Variants in FLI1 observed in about 807,000 individuals in gnomAD.
FLI1 encodes Fli-1 proto-oncogene, ETS transcription factor.
In FLI1, 13 loss-of-function variants were observed where a neutral mutation model predicts 53.1. The observed-to-expected ratio is 0.24, with a 90% CI of 0.16 to 0.39. The LOEUF (loss-of-function observed/expected upper bound fraction) is 0.39, where lower values mean the gene tolerates loss of function less well. FLI1 is among the 10% of genes least tolerant of loss of function. The pLI is 1.00. For synonymous variants in FLI1, 244 were observed against 236.7 expected, an observed-to-expected ratio of 1.03 and a Z score of -0.28; for missense variants, 424 against 600.5, an observed-to-expected ratio of 0.71 and a Z score of 3.07.
intron 5 of FLI1, among the ~76,000 whole-genome samples, chr11:128,796,527 G>C (rs1274617430): frequency 6.6e-6 from 1 of 152,178 alleles, no homozygotes; most frequent in Non-Finnish European, 1.5e-5. Context: ...GTCTAAAAAG[G>C]AGCCTCTGAT....
At chr11:128,698,251 T>C (rs1228280995) in intron 1 of FLI1, among the ~76,000 whole-genome samples, 1 of 152,156 alleles carries the variant, frequency 6.6e-6, no homozygotes, top group Non-Finnish European at 1.5e-5. Flanking sequence ...TGTTGCTGCC[T>C]CCCTCTACCA....
chr11:128,734,169 CAG>C (rs749242756), intron 1 of FLI1, among the ~76,000 whole-genome samples: 6 of 152,204 alleles, frequency 3.9e-5, no homozygotes, highest in Non-Finnish European at 7.3e-5. Context: ...GGTGGTTAAA[CAG>C]GGGAAGCTAT....
chr11:128,768,370 G>A, intron 3 of FLI1, 98 bp downstream of exon 3: 1 of 1,482,030 alleles, frequency 6.7e-7, no homozygotes, highest in Non-Finnish European at 9.3e-7. Context: ...TATTCCCTGT[G>A]GAATTGCAAA....
Position 128,808,976 on chromosome 11 carries a change from G to A in FLI1, c.782-181G>A, listed in dbSNP as rs187557905. On this transcript the variant is annotated intron_variant, in intron 7 of 8. Coordinates refer to ENST00000527786, the MANE Select transcript of FLI1 (RefSeq NM_002017.5). ...TTGTTCTTTCTGTAATTATTGAGAT[G>A]AAGACCACAAATGTCATCAAGATCT... Among the ~76,000 whole-genome samples the A allele has an allele frequency of 7.3e-3, 1,118 of 152,282 alleles. 6 individuals are homozygous for A. Among genetic ancestry groups the A allele is most frequent in the Middle Eastern group, 0.021 (6 of 292 alleles).
intron 5 of FLI1, among the ~76,000 whole-genome samples, chr11:128,787,509 A>T (rs1302493789): frequency 6.6e-6 from 1 of 152,170 alleles, no homozygotes; most frequent in East Asian, 1.9e-4. Context: ...AATTTACCGA[A>T]GGTGGGCACT....
At chr11:128,783,030 G>T (rs995327337) in intron 5 of FLI1, among the ~76,000 whole-genome samples, 4 of 152,082 alleles carry the variant, frequency 2.6e-5, no homozygotes, top group African/African-American at 4.8e-5. Context: ...ACAGAGGAGG[G>T]GACTTTTGAA....
In FLI1 at chr11:128,810,518, G is replaced by A. The variant is rs1171222613; in HGVS notation, c.889G>A (p.Ala297Thr). ...LLELLSDSAN[A>T]SCITWEGTNG... ...GGAGCTGCTCTCCGACAGCGCCAAC[G>A]CCAGCTGTATCACCTGGGAGGGGAC... Residue 297 changes from alanine to threonine, a missense_variant, in exon 9 of 9, where the codon GCC (alanine) becomes ACC (threonine). By Grantham distance (58) the Ala-to-Thr change is moderately conservative. Coordinates refer to ENST00000527786, the MANE Select transcript of FLI1 (RefSeq NM_002017.5). The surrounding 1 kb of genome is among the most constrained non-coding windows in gnomAD (Gnocchi z 6.6). 6 of 1,609,444 alleles carry A rather than the reference G, an allele frequency of 3.7e-6. No homozygotes were observed. The highest frequency in any genetic ancestry group is 2.2e-5 in the East Asian group (1 of 44,662).
At chr11:128,757,782 T>C (rs376930801) in intron 1 of FLI1, among the ~76,000 whole-genome samples, 42 of 152,272 alleles carry the variant, frequency 2.8e-4, no homozygotes, top group African/African-American at 1.0e-3. Context: ...ACCACAATAC[T>C]ATATTCCATG....
At chr11:128,780,160 A>G (rs948386684) in intron 4 of FLI1, among the ~76,000 whole-genome samples, 8 of 152,192 alleles carry the variant, frequency 5.3e-5, no homozygotes, top group Non-Finnish European at 1.2e-4. Context: ...CTTGGATGTT[A>G]TATTCATGTG....
At chr11:128,809,820 A>G (rs1043213215) in intron 8 of FLI1, among the ~76,000 whole-genome samples, 3 of 152,060 alleles carry the variant, frequency 2.0e-5, no homozygotes, top group Non-Finnish European at 4.4e-5. Flanking sequence ...CTGCCTACCC[A>G]TTCCTTAGTG....
intron 5 of FLI1, among the ~76,000 whole-genome samples, chr11:128,784,503 A>T (rs1256911711): frequency 6.6e-6 from 1 of 152,024 alleles, no homozygotes; most frequent in Non-Finnish European, 1.5e-5. Context: ...ATCTCCCAAC[A>T]TCGGGCCTGG....
At chr11:128,721,270 C>T (rs370705138) in intron 1 of FLI1, among the ~76,000 whole-genome samples, 10 of 152,282 alleles carry the variant, frequency 6.6e-5, no homozygotes, top group African/African-American at 1.4e-4. Flanking sequence ...TCATTCATTC[C>T]GCCAGCCTGT....
chr11:128,694,872 C>T (rs1209535040), intron 1 of FLI1, among the ~76,000 whole-genome samples: 1 of 152,172 alleles, frequency 6.6e-6, no homozygotes, highest in African/African-American at 2.4e-5. Flanking sequence ...GCTTTCCCTT[C>T]CTCTCGGCAC....
chr11:128,758,928 AG>A (rs1278338308), intron 2 of FLI1, among the ~76,000 whole-genome samples: 1 of 152,246 alleles, frequency 6.6e-6, no homozygotes, highest in African/African-American at 2.4e-5. Context: ...GTCATGGAAG[AG>A]GACAGTGGAC....
In FLI1 at chr11:128,812,913, T is replaced by C. The variant is rs2135929171; in HGVS notation, c.*1925T>C. On this transcript the variant is annotated 3_prime_UTR_variant, in exon 9 of 9. Coordinates refer to ENST00000527786, the MANE Select transcript of FLI1 (RefSeq NM_002017.5). ...TCCTTCACTGTTAGGTAGCTTATTT[T>C]CATTTTCTCTATTTTACAATGAAAA... is the stretch of plus-strand genomic sequence containing the variant. The C allele has an allele frequency of 5.7e-6, 1 of 175,296 alleles. No individual in the cohort carries two copies. Among genetic ancestry groups the C allele is most frequent in the East Asian group, 9.4e-5 (1 of 10,634 alleles). 10.9% of individuals were successfully genotyped at this position (175,296 alleles called of 1,614,324 possible).
upstream of FLI1, chr11:128,693,900 AGGGAGAGCAGAG>A (rs1010936809): frequency 3.9e-6 from 1 of 254,804 alleles, no homozygotes; most frequent in Non-Finnish European, 7.4e-6. Flanking sequence ...AGGGAAGACG[AGGGAGAGCAGAG>A]GGGAGAGAAG....
chr11:128,799,511 G>A (rs1942562558), intron 5 of FLI1, among the ~76,000 whole-genome samples: 2 of 152,172 alleles, frequency 1.3e-5, no homozygotes, highest in South Asian at 2.1e-4. Flanking sequence ...GAGGTTCAAA[G>A]CAGCTGAGCA....
At chr11:128,765,749 G>T (rs1477583783) in intron 2 of FLI1, among the ~76,000 whole-genome samples, 1 of 152,210 alleles carries the variant, frequency 6.6e-6, no homozygotes, top group Non-Finnish European at 1.5e-5. Context: ...GCAGGGAAAG[G>T]CTGCCAGACC....
At chr11:128,689,725 G>T (rs1477288838), upstream of FLI1, among the ~76,000 whole-genome samples, 2 of 152,186 alleles carry the variant, frequency 1.3e-5, no homozygotes, top group East Asian at 1.9e-4. Context: ...ACTGGGCGAG[G>T]GTCTGGACAC....
Sources: gnomAD v4.1 joint callset for allele counts (sites outside exome capture counted in the v4.1 genomes callset) on GRCh38, gnomAD v4.1.1 for gene constraint, Gnocchi (gnomAD v3.1) non-coding constraint, MANE v1.5 for transcripts, NCBI Gene and HGNC (gene_info 2026-07-23, HGNC 2026-07-21) for gene names.